FRMD4A: variants seen among roughly 807,000 people sequenced by gnomAD.
The protein encoded by FRMD4A is FERM domain containing 4A, also known as FERM domain-containing protein 4A.
A neutral mutation model predicts 129.1 loss-of-function variants in FRMD4A; 29 were observed. That is an observed-to-expected ratio of 0.22 (90% CI 0.17 to 0.31). The LOEUF (loss-of-function observed/expected upper bound fraction) is 0.31. Ranked by LOEUF, FRMD4A falls within the 10% of genes least tolerant of loss-of-function variation. The probability of loss-of-function intolerance (pLI) is 1.00; values close to 1 mark genes in which losing one functional copy is unlikely to be tolerated. For synonymous variants in FRMD4A, 634 were observed against 571.6 expected (o/e 1.11, Z -1.56); for missense variants, 1,272 against 1,375.8 (o/e 0.92, Z 1.19).
chr10:14,148,902 G>T (rs1472854567), intron 2 of FRMD4A, among the ~76,000 whole-genome samples: 2 of 152,152 alleles, frequency 1.3e-5, no homozygotes, highest in Admixed American at 1.3e-4. Context: ...GATATTAGGG[G>T]TTTACGCTAG....
At chr10:13,999,833 C>T (rs1238077267) in intron 2 of FRMD4A, among the ~76,000 whole-genome samples, 1 of 152,184 alleles carries the variant, frequency 6.6e-6, no homozygotes, top group Non-Finnish European at 1.5e-5. Flanking sequence ...ACTGTTAGGA[C>T]TGGTGATGAC....
intron 2 of FRMD4A, among the ~76,000 whole-genome samples, chr10:14,200,578 AG>A (rs1842607234): frequency 6.6e-6 from 1 of 152,236 alleles, no homozygotes. Context: ...GATGTGGAGA[AG>A]AGACACTAAG....
rs191808115 is a variant in FRMD4A at position 13,755,444 on chromosome 10, C to T, written c.464+6203G>A. Among the ~76,000 whole-genome samples the T allele has an allele frequency of 8.5e-5, 13 of 152,322 alleles. No homozygotes were observed. In the East Asian group the frequency reaches 2.1e-3, roughly 25 times the overall value. ...TTCCACACTAGTGAGCACACCATCCCATGGTTTATAGAAGATAAAATACTA... is the reference window on the plus strand; with the variant it reads ...TTCCACACTAGTGAGCACACCATCCTATGGTTTATAGAAGATAAAATACTA... On this transcript the variant is annotated intron_variant, in intron 8 of 24. Transcript: ENST00000357447.
chr10:14,236,176 C>T (rs1243170043), intron 2 of FRMD4A, among the ~76,000 whole-genome samples: 1 of 152,224 alleles, frequency 6.6e-6, no homozygotes, highest in East Asian at 1.9e-4. Context: ...GAGTAAAACC[C>T]TTTTCCTTAG....
intron 2 of FRMD4A, among the ~76,000 whole-genome samples, chr10:14,301,265 G>A (rs969985601): frequency 2.0e-5 from 3 of 152,132 alleles, no homozygotes; most frequent in African/African-American, 7.2e-5. Flanking sequence ...CGTTCCCCTG[G>A]AATAAACTCT....
chr10:13,993,800 C>A (rs1480456026), intron 2 of FRMD4A, among the ~76,000 whole-genome samples: 2 of 151,094 alleles, frequency 1.3e-5, no homozygotes, highest in East Asian at 3.9e-4. Context: ...TCAATGTATT[C>A]AAATATATTT....
At chr10:13,900,537 T>C (rs557572567) in intron 2 of FRMD4A, among the ~76,000 whole-genome samples, 2 of 152,316 alleles carry the variant, frequency 1.3e-5, no homozygotes, top group South Asian at 2.1e-4. Context: ...ATTCTAAGTA[T>C]ACTCAAGTAC....
chr10:13,931,802 AG>A (rs1038793590), intron 2 of FRMD4A, among the ~76,000 whole-genome samples: 4 of 151,418 alleles, frequency 2.6e-5, no homozygotes, highest in Non-Finnish European at 5.9e-5. Context: ...AATAGAAAAT[AG>A]CTGGGTGTGT....
At chr10:14,139,348 TG>T (rs1839713916) in intron 2 of FRMD4A, among the ~76,000 whole-genome samples, 1 of 152,216 alleles carries the variant, frequency 6.6e-6, no homozygotes, top group Non-Finnish European at 1.5e-5. Context: ...TAAAGGTTGC[TG>T]AAGTCATAAG....
intron 2 of FRMD4A, among the ~76,000 whole-genome samples, chr10:14,154,553 G>T (rs1840504595): frequency 6.6e-6 from 1 of 152,134 alleles, no homozygotes; most frequent in Non-Finnish European, 1.5e-5. Context: ...TCATGCTGAA[G>T]AGTTCTTACG....
At chr10:13,700,586 A>C (rs12777446) in intron 14 of FRMD4A, among the ~76,000 whole-genome samples, 40,607 of 151,950 alleles carry the variant, frequency 0.27, 5,645 homozygotes, top group Non-Finnish European at 0.28. Context: ...CCTGAGGGAG[A>C]ATGAATGGGA....
Position 13,785,856 on chromosome 10 carries a change from G to A in FRMD4A, c.300-2850C>T, listed in dbSNP as rs951382973. On this transcript the variant is annotated intron_variant, in intron 5 of 24. Coordinates refer to ENST00000357447, the MANE Select transcript of FRMD4A (RefSeq NM_018027.5). ...CTCAGTGTTCAATTGCCACCTATGA[G>A]TAAGAACATGTGGTGTTTGGTTTTC... Among the ~76,000 whole-genome samples the A allele has an allele frequency of 7.2e-5, 11 of 151,842 alleles. No individual in the cohort carries two copies. The South Asian group carries it at 2.3e-3, about 32-fold the overall frequency.
intron 2 of FRMD4A, among the ~76,000 whole-genome samples, chr10:14,147,146 C>T (rs950481388): frequency 9.2e-5 from 14 of 152,162 alleles, no homozygotes; most frequent in African/African-American, 3.4e-4. Flanking sequence ...CGAAAAGGAA[C>T]ACATTTTCCT....
chr10:13,783,918 T>A, intron 5 of FRMD4A, among the ~76,000 whole-genome samples: 1 of 152,350 alleles, frequency 6.6e-6, no homozygotes, highest in South Asian at 2.1e-4. Flanking sequence ...TGTGCCTTTA[T>A]AATATTGACT....
At chr10:13,990,266 G>GGGT (rs2095598703) in intron 2 of FRMD4A, among the ~76,000 whole-genome samples, 1 of 152,186 alleles carries the variant, frequency 6.6e-6, no homozygotes, top group African/African-American at 2.4e-5. Flanking sequence ...CTGTGCTTCT[G>GGGT]GGTCTCAGTA....
intron 2 of FRMD4A, among the ~76,000 whole-genome samples, chr10:14,004,669 T>C (rs1483306566): frequency 6.6e-6 from 1 of 152,224 alleles, no homozygotes; most frequent in Non-Finnish European, 1.5e-5. Context: ...TTGTGTTACG[T>C]CCTTGCATAC....
At chr10:14,097,243 T>C (rs2131766855) in intron 2 of FRMD4A, 1 of 151,900 alleles carries the variant, frequency 6.6e-6, no homozygotes, top group South Asian at 2.1e-4. Context: ...TATAGTAAAT[T>C]TTAGAAATAG....
chr10:13,653,940 A>ACTG (rs2081910812), intron 23 of FRMD4A: 1 of 190,296 alleles, frequency 5.3e-6, no homozygotes, highest in African/African-American at 2.8e-5. Flanking sequence ...GTGTGTTGAG[A>ACTG]AAGAGCAAGT....
intron 3 of FRMD4A, among the ~76,000 whole-genome samples, chr10:13,833,788 G>A (rs1020888260): frequency 6.6e-6 from 1 of 152,114 alleles, no homozygotes; most frequent in African/African-American, 2.4e-5. Flanking sequence ...TGAGGCAGAT[G>A]TTATTGTTAT....
Sources: allele counts gnomAD v4.1 joint callset (sites outside exome capture counted in the v4.1 genomes callset), GRCh38; gene constraint gnomAD v4.1.1; transcripts MANE v1.5; gene names NCBI Gene and HGNC (gene_info 2026-07-23, HGNC 2026-07-21).